The following UBL3 variants were observed in gnomAD, a reference collection of about 807,000 sequenced individuals.
The protein encoded by UBL3 is ubiquitin like 3, also known as ubiquitin-like protein 3.
UBL3 carries 6 observed loss-of-function variants against 18.4 expected under a neutral mutation model. The ratio of observed to expected loss-of-function variants is 0.33; its 90% CI spans 0.18 to 0.64. UBL3 has a LOEUF of 0.64. UBL3 is among the 30% of genes least tolerant of loss of function. The pLI is 0.76. For missense variants in UBL3, 109 were observed against 142.9 expected (o/e 0.76, Z 1.21); for synonymous variants, 49 against 46.6 (o/e 1.05, Z -0.21).
chr13:29,766,821 T>C lies in UBL3; in HGVS notation c.*434A>G, dbSNP rs1366060169. On this transcript the variant is annotated 3_prime_UTR_variant, in exon 5 of 5. Transcript: ENST00000380680. ...GAGTGTCTTCCAGTGTGGAATTGTA[T>C]ATATAAGTATTTCTAGATACCACAC... is the stretch of plus-strand genomic sequence containing the variant. 4 of 153,232 alleles carry C rather than the reference T, an allele frequency of 2.6e-5. No individual in the cohort carries two copies. Among genetic ancestry groups the C allele is most frequent in the Admixed American group, 1.3e-4 (2 of 15,320 alleles). 9.5% of individuals were successfully genotyped at this position (153,232 alleles called of 1,614,324 possible).
intron 1 of UBL3, among the ~76,000 whole-genome samples, chr13:29,778,543 T>C (rs752061331): frequency 5.3e-5 from 8 of 152,304 alleles, no homozygotes; most frequent in South Asian, 2.1e-4. Context: ...GAGAACCTCA[T>C]TGCACCAGTT....
In UBL3 at chr13:29,825,511, A is replaced by T. The variant is rs1878593250; in HGVS notation, c.27+24001T>A. On this transcript the variant is annotated intron_variant, in intron 1 of 4. Transcript: ENST00000380680. ...TGATTTGGCTCTCTGTTTGTCTGTTATTGGTGTATAAGAATGCTTGTGATT... is the reference window on the plus strand; with the variant it reads ...TGATTTGGCTCTCTGTTTGTCTGTTTTTGGTGTATAAGAATGCTTGTGATT... 2.6e-5 allele frequency among the ~76,000 whole-genome samples: 4 copies of T among 152,072 alleles called. No individual in the cohort carries two copies. In the South Asian group the frequency reaches 8.3e-4, roughly 32 times the overall value.
rs897927536 is a variant in UBL3 at position 29,839,386 on chromosome 13, T to C, written c.27+10126A>G. Among the ~76,000 whole-genome samples the C allele has an allele frequency of 5.3e-5, 8 of 152,344 alleles. No homozygotes were observed. The East Asian group carries it at 5.8e-4, about 11-fold the overall frequency. ...AAGGGAAGTTTTAAAATATGCTTTA[T>C]TGAATGATAATAAAAATAATATACA... On this transcript the variant is annotated intron_variant, in intron 1 of 4. Coordinates refer to ENST00000380680, the MANE Select transcript of UBL3 (RefSeq NM_007106.4).
chr13:29,791,883 C>T (rs966472023), intron 1 of UBL3, among the ~76,000 whole-genome samples: 5 of 152,136 alleles, frequency 3.3e-5, no homozygotes, highest in African/African-American at 1.2e-4. Flanking sequence ...CTACCAACTC[C>T]CCCAATTAAA....
At chr13:29,829,972 G>A (rs907733401) in intron 1 of UBL3, among the ~76,000 whole-genome samples, 3 of 152,204 alleles carry the variant, frequency 2.0e-5, no homozygotes, top group Non-Finnish European at 4.4e-5. Flanking sequence ...CAGAGCGAAA[G>A]TGGATATACC....
intron 1 of UBL3, among the ~76,000 whole-genome samples, chr13:29,835,136 ATATATATATATATATAT>A (rs1878914034): frequency 2.3e-4 from 2 of 8,734 alleles, no homozygotes; most frequent in Admixed American, 1.4e-3. Flanking sequence ...ATATATATAT[ATATATATATATATATAT>A]ATATATATAT....
At chr13:29,776,954 T>C (rs35042630) in intron 2 of UBL3, among the ~76,000 whole-genome samples, 6,815 of 151,554 alleles carry the variant, frequency 0.045, 222 homozygotes, top group Middle Eastern at 0.092. Context: ...GCCATTGCAT[T>C]CTGGGCTCCT....
chr13:29,833,408 T>C (rs1359639249), intron 1 of UBL3, among the ~76,000 whole-genome samples: 1 of 150,704 alleles, frequency 6.6e-6, no homozygotes, highest in Non-Finnish European at 1.5e-5. Flanking sequence ...CTGCCCAAAT[T>C]AGTGAGGAAA....
In UBL3 at chr13:29,850,451, A is replaced by T; in HGVS notation, c.-913T>A. 6.5e-6 allele frequency: 1 copy of T among 152,824 alleles called. No individual in the cohort carries two copies. Among genetic ancestry groups the T allele is most frequent in the Non-Finnish European group, 1.5e-5 (1 of 68,170 alleles). 9.5% of individuals were successfully genotyped at this position (152,824 alleles called of 1,614,324 possible). A position where few individuals can be genotyped will look rare whatever the true frequency, so the allele number is the denominator to read the frequency against. The stretch of plus-strand genomic sequence containing the variant: ...GCCGACTTCGGCTGGTCCCCGGAAG[A>T]GGCCGGGTCCTCCTTCTCCTCAGCC... On this transcript the variant is annotated 5_prime_UTR_variant, in exon 1 of 5. Transcript: ENST00000380680.
intron 1 of UBL3, among the ~76,000 whole-genome samples, chr13:29,819,193 G>C (rs1593667928): frequency 6.6e-6 from 1 of 152,238 alleles, no homozygotes; most frequent in East Asian, 1.9e-4. Context: ...AATTTTTCAT[G>C]AAAGTTAAAA....
chr13:29,844,960 C>T (rs1366291110), intron 1 of UBL3, among the ~76,000 whole-genome samples: 1 of 151,794 alleles, frequency 6.6e-6, no homozygotes, highest in Non-Finnish European at 1.5e-5. Flanking sequence ...CTGTAAGTAA[C>T]GAAGACAGTA....
chr13:29,837,556 T>C (rs774749346), intron 1 of UBL3, among the ~76,000 whole-genome samples: 2 of 152,144 alleles, frequency 1.3e-5, no homozygotes, highest in Non-Finnish European at 2.9e-5. Context: ...GACAATTGAA[T>C]AGAAATAATA....
At position 29,777,205 on chromosome 13, in the gene UBL3, T is replaced by C; in HGVS notation, c.86A>G (p.Asn29Ser). The C allele has an allele frequency of 6.2e-7, 1 of 1,610,138 alleles. No homozygotes were observed. Among genetic ancestry groups the C allele is most frequent in the Non-Finnish European group, 8.5e-7 (1 of 1,178,060 alleles). ...CTTTGCAATGTCAGAAGCAGAATCG[T>C]TAGGAGAAAACAGGAACTCTTTTGT... is the stretch of plus-strand genomic sequence containing the variant. ...GKTKEFLFSPNDSASDIAKHV... is the reference protein window; with the variant it reads ...GKTKEFLFSPSDSASDIAKHV... The change falls in exon 2 of 5, where the codon AAC becomes AGC. Residue 29 changes from asparagine (N) to serine (S), a missense_variant. Coordinates refer to ENST00000380680, the MANE Select transcript of UBL3 (RefSeq NM_007106.4).
At chr13:29,833,591 C>T (rs990828915) in intron 1 of UBL3, among the ~76,000 whole-genome samples, 5 of 152,176 alleles carry the variant, frequency 3.3e-5, no homozygotes, top group African/African-American at 1.2e-4. Context: ...ATGGCTTGCT[C>T]CCCACCTCCT....
chr13:29,825,026 G>C (rs1311787500), intron 1 of UBL3, among the ~76,000 whole-genome samples: 1 of 152,168 alleles, frequency 6.6e-6, no homozygotes, highest in African/African-American at 2.4e-5. Context: ...TAGATGTGTG[G>C]TATTATTTCT....
At chr13:29,777,522 C>T in intron 1 of UBL3, 1 of 575,002 alleles carries the variant, frequency 1.7e-6, no homozygotes, top group Middle Eastern at 2.9e-4. Context: ...AAATTCATTA[C>T]ACTTTTAAAT....
intron 1 of UBL3, among the ~76,000 whole-genome samples, chr13:29,818,165 A>G (rs1283604931): frequency 6.6e-6 from 1 of 152,230 alleles, no homozygotes; most frequent in Non-Finnish European, 1.5e-5. Context: ...GAAGTTCAGC[A>G]GCAAAAGTAG....
At chr13:29,806,780 G>A (rs1565995449) in intron 1 of UBL3, among the ~76,000 whole-genome samples, 1 of 152,136 alleles carries the variant, frequency 6.6e-6, no homozygotes, top group Non-Finnish European at 1.5e-5. Context: ...CCATGGCTTT[G>A]TCATCTCTCC....
chr13:29,792,856 C>G (rs907876150), intron 1 of UBL3, among the ~76,000 whole-genome samples: 19 of 152,148 alleles, frequency 1.2e-4, no homozygotes, highest in African/African-American at 4.3e-4. Flanking sequence ...GCAAAAGTGA[C>G]AAATACATCC....
Sources: allele counts gnomAD v4.1 joint callset (sites outside exome capture counted in the v4.1 genomes callset), GRCh38; gene constraint gnomAD v4.1.1; transcripts MANE v1.5; gene names NCBI Gene and HGNC (gene_info 2026-07-23, HGNC 2026-07-21).